Variants in NLRP12 observed in about 807,000 individuals in gnomAD.
NLRP12 encodes the protein NLR family pyrin domain containing 12, also known as NACHT, LRR and PYD domains-containing protein 12.
NLRP12 carries 108 observed loss-of-function variants against 91.2 expected under a neutral mutation model. The observed-to-expected ratio is 1.18, with a 90% CI of 1.01 to 1.39. NLRP12 has a LOEUF of 1.39. NLRP12 is among the 40% of genes most tolerant of loss of function. NLRP12 has a pLI of 0.00. For missense variants in NLRP12, 1,530 were observed against 1,352.7 expected (o/e 1.13, Z -2.06); for synonymous variants, 613 against 566.7 (o/e 1.08, Z -1.16).
intron 4 of NLRP12, among the ~76,000 whole-genome samples, chr19:53,806,993 C>T (rs1345026337): frequency 6.6e-6 from 1 of 152,154 alleles, no homozygotes; most frequent in Non-Finnish European, 1.5e-5. Context: ...CCTGCCCACT[C>T]CTTGTCTTGG....
intron 1 of NLRP12, among the ~76,000 whole-genome samples, 196 bp from the exon 2 acceptor site, chr19:53,815,184 T>A (rs1243178090): frequency 6.7e-6 from 1 of 148,824 alleles, no homozygotes; most frequent in Non-Finnish European, 1.5e-5. Flanking sequence ...CCTCCCTGGG[T>A]CCCCCTCATG....
At chr19:53,794,196 C>A (rs2091703401) in intron 9 of NLRP12, 60 bp from the exon 10 acceptor site, 4 of 1,101,960 alleles carry the variant, frequency 3.6e-6, no homozygotes, top group South Asian at 1.2e-5. Flanking sequence ...ATTAATAAGC[C>A]TTAAGTATCT....
chr19:53,824,095 T>A lies in NLRP12; in HGVS notation c.80A>T (p.Lys27Met), dbSNP rs2092308161. 1.2e-6 allele frequency: 2 copies of A among 1,613,978 alleles called. No individual in the cohort carries two copies. The highest frequency in any genetic ancestry group is 8.5e-7 in the Non-Finnish European group (1 of 1,180,000). The part of the protein sequence containing the change: ...LEELEAVELK[K>M]FKLYLGTATE... ...CGCGGTCCCCAGGTATAACTTGAAC[T>A]TCTTCAGTTCCACAGCCTCGAGTTC... Residue 27 changes from lysine (K) to methionine (M), a missense_variant, in exon 1 of 10, where the codon AAG becomes ATG. By Grantham distance (95) the Lys-to-Met change is moderately conservative. Coordinates refer to ENST00000324134, the MANE Select transcript of NLRP12 (RefSeq NM_144687.4).
At chr19:53,816,947 G>T (rs2092169207) in intron 1 of NLRP12, among the ~76,000 whole-genome samples, 1 of 151,992 alleles carries the variant, frequency 6.6e-6, no homozygotes, top group South Asian at 2.1e-4. Flanking sequence ...GAGTTCTGCA[G>T]ATTGAATGCA....
At chr19:53,823,482 AT>A (rs1162265530) in intron 1 of NLRP12, among the ~76,000 whole-genome samples, 114 of 102,106 alleles carry the variant, frequency 1.1e-3, no homozygotes, top group South Asian at 7.8e-3. Context: ...TAAAATATAT[AT>A]TTTAAAATAT....
At chr19:53,813,127 C>T (rs957782156) in intron 2 of NLRP12, among the ~76,000 whole-genome samples, 10 of 151,684 alleles carry the variant, frequency 6.6e-5, no homozygotes, top group Admixed American at 5.3e-4. Context: ...GTGATCTGCC[C>T]GCCTCGGCCT....
chr19:53,809,328 C>T (rs957317188), intron 3 of NLRP12, among the ~76,000 whole-genome samples: 2 of 151,090 alleles, frequency 1.3e-5, no homozygotes, highest in Non-Finnish European at 2.9e-5. Flanking sequence ...GTCAAGAGAT[C>T]GAGACCACCC....
intron 8 of NLRP12, among the ~76,000 whole-genome samples, chr19:53,797,445 A>G (rs886949913): frequency 4.0e-5 from 6 of 150,052 alleles, no homozygotes; most frequent in Admixed American, 3.3e-4. Context: ...TTTGAGACAG[A>G]GTCTTGCTCT....
chr19:53,802,579 C>T (rs113209913), intron 6 of NLRP12, among the ~76,000 whole-genome samples: 3 of 151,108 alleles, frequency 2.0e-5, no homozygotes, highest in African/African-American at 4.9e-5. Flanking sequence ...TGGTGGCAGG[C>T]GCCTGTAGTC....
At chr19:53,819,503 A>G (rs1182132525) in intron 1 of NLRP12, among the ~76,000 whole-genome samples, 1 of 126,104 alleles carries the variant, frequency 7.9e-6, no homozygotes, top group African/African-American at 3.0e-5. Flanking sequence ...ATGTGTATAT[A>G]TATGTATACA....
chr19:53,819,668 C>T (rs8102303), intron 1 of NLRP12, among the ~76,000 whole-genome samples: 1 of 8,648 alleles, frequency 1.2e-4, no homozygotes, highest in Non-Finnish European at 2.8e-4. Context: ...CACATGTATA[C>T]ATATATGTAT....
Position 53,811,030 on chromosome 19 carries a change from G to A in NLRP12, c.629C>T (p.Pro210Leu), listed in dbSNP as rs377594629. The change falls in exon 3 of 10, where the codon CCG becomes CTG. Residue 210 changes from proline (P) to leucine (L), a missense_variant. Transcript: ENST00000324134. The stretch of plus-strand genomic sequence containing the variant: ...CGCGCCTTGCATGACCACGGTGCGC[G>A]GTGGCTCGGGGCGCTCCTCGTCTGG... ...FEPDEERPEP[P>L]RTVVMQGAAG... is the part of the protein sequence containing the mutation. 192 of 1,613,006 alleles carry A rather than the reference G, an allele frequency of 1.2e-4. 1 individual carries two copies. In the East Asian group the frequency reaches 2.0e-3, roughly 17 times the overall value.
chr19:53,816,696 T>C (rs540359326), intron 1 of NLRP12, among the ~76,000 whole-genome samples: 2 of 151,754 alleles, frequency 1.3e-5, no homozygotes, highest in South Asian at 4.2e-4. Context: ...GTGGTAAAAA[T>C]ACAAAAAAAT....
chr19:53,814,764 A>T, intron 2 of NLRP12, 144 bp downstream of exon 2: 1 of 736,106 alleles, frequency 1.4e-6, no homozygotes, highest in Non-Finnish European at 2.5e-6. Context: ...GATGAGTTGA[A>T]ACACAGGAGG....
intron 1 of NLRP12, among the ~76,000 whole-genome samples, chr19:53,819,529 G>GTATGTATACGTATATACATACGTATATA (rs1377215335): frequency 3.5e-5 from 1 of 28,300 alleles, no homozygotes; most frequent in African/African-American, 1.6e-4. Context: ...GTATATATGT[G>GTATGTATACGTATATACATACGTATATA]TGTATGTATA....
intron 4 of NLRP12, among the ~76,000 whole-genome samples, 181 bp downstream of exon 4, chr19:53,807,314 C>T (rs370979147): frequency 1.3e-5 from 2 of 152,298 alleles, no homozygotes; most frequent in South Asian, 4.1e-4. Flanking sequence ...GTGATCTGCC[C>T]GCCTTCACCT....
In NLRP12 at chr19:53,810,941, A is replaced by G; in HGVS notation, c.718T>C (p.Phe240Leu). The change falls in exon 3 of 10, where the codon TTC becomes CTC. Residue 240 changes from phenylalanine to leucine, a missense_variant. Physicochemically the swap from Phe to Leu is conservative, Grantham distance 22. Transcript: ENST00000324134. ...AAGAGATAATCAAATCTGCCTTGGA[A>G]GAGCTTCCCGTCCGCCCAGTCCAGC... Reference protein sequence around the residue: ...VMLDWADGKLFQGRFDYLFYI... With the variant: ...VMLDWADGKLLQGRFDYLFYI... 2.5e-6 allele frequency: 4 copies of G among 1,614,144 alleles called. No homozygotes were observed. Among genetic ancestry groups the G allele is most frequent in the Non-Finnish European group, 3.4e-6 (4 of 1,180,030 alleles).
chr19:53,800,179 C>A, intron 7 of NLRP12, among the ~76,000 whole-genome samples: 1 of 152,020 alleles, frequency 6.6e-6, no homozygotes, highest in Non-Finnish European at 1.5e-5. Context: ...GTGGCGGGCA[C>A]CTTTAGTCCC....
intron 6 of NLRP12, among the ~76,000 whole-genome samples, chr19:53,802,621 G>A (rs2122578617): frequency 6.6e-6 from 1 of 151,290 alleles, no homozygotes; most frequent in South Asian, 2.1e-4. Flanking sequence ...GCAGGAGAAT[G>A]GTGTGAACCC....
Sources: allele counts gnomAD v4.1 joint callset (sites outside exome capture counted in the v4.1 genomes callset), GRCh38; gene constraint gnomAD v4.1.1; transcripts MANE v1.5; gene names NCBI Gene and HGNC (gene_info 2026-07-23, HGNC 2026-07-21).